The following MEI4 variants were observed in gnomAD, a reference collection of about 807,000 sequenced individuals.
MEI4 encodes the protein meiosis-specific protein MEI4.
A neutral mutation model predicts 31.4 loss-of-function variants in MEI4; 27 were observed. The observed-to-expected ratio is 0.86, with a 90% CI of 0.63 to 1.19. MEI4 has a LOEUF of 1.19. Ranked by LOEUF, MEI4 falls within the 50% of genes most tolerant of loss-of-function variation. MEI4 has a pLI of 0.00. For synonymous variants in MEI4, 122 were observed against 145.4 expected (o/e 0.84, Z 1.16); for missense variants, 329 against 398.9 (o/e 0.82, Z 1.49).
rs939330283 is a variant in MEI4, at chr6:77,825,237, A to C, written c.769-3694A>C. On this transcript the variant is annotated intron_variant, in intron 3 of 4. Transcript: ENST00000684080. ...CCTAACAAAATATTATGTTCTTCTT[A>C]TTATTTATTTTTGACATCTATTCAA... Among the ~76,000 whole-genome samples, 11 of 152,148 alleles carry C rather than the reference A, an allele frequency of 7.2e-5. No homozygotes were observed. The East Asian group carries it at 9.6e-4, about 13-fold the overall frequency.
At chr6:77,918,274 C>T (rs1485462603) in intron 4 of MEI4, among the ~76,000 whole-genome samples, 1 of 150,286 alleles carries the variant, frequency 6.7e-6, no homozygotes, top group East Asian at 2.0e-4. Context: ...TCCATATGAA[C>T]TTTAAAGTAG....
intron 2 of MEI4, among the ~76,000 whole-genome samples, chr6:77,744,760 C>T (rs989556580): frequency 3.9e-5 from 6 of 152,230 alleles, no homozygotes; most frequent in Non-Finnish European, 1.5e-5. Context: ...ATCAGACTAA[C>T]AGTCGATCTC....
At chr6:77,879,682 G>T (rs922581117) in intron 4 of MEI4, among the ~76,000 whole-genome samples, 1 of 152,148 alleles carries the variant, frequency 6.6e-6, no homozygotes, top group Non-Finnish European at 1.5e-5. Context: ...GACCTTTGTG[G>T]CCATCTGCGG....
intron 2 of MEI4, among the ~76,000 whole-genome samples, chr6:77,702,673 A>G (rs763402342): frequency 6.6e-6 from 1 of 152,110 alleles, no homozygotes; most frequent in African/African-American, 2.4e-5. Flanking sequence ...GTCTCAAGTC[A>G]TCTTATTTAA....
chr6:77,884,783 A>G (rs1209912378), intron 4 of MEI4, among the ~76,000 whole-genome samples: 1 of 152,190 alleles, frequency 6.6e-6, no homozygotes. Flanking sequence ...GAAGCCAGGT[A>G]GTGTGATGCT....
intron 2 of MEI4, among the ~76,000 whole-genome samples, chr6:77,754,781 A>G (rs1271790277): frequency 1.3e-5 from 2 of 152,142 alleles, no homozygotes; most frequent in Non-Finnish European, 2.9e-5. Context: ...CACTTCTTAC[A>G]TGCGGAGAGA....
intron 3 of MEI4, among the ~76,000 whole-genome samples, chr6:77,799,978 G>A (rs1769201817): frequency 6.6e-6 from 1 of 152,222 alleles, no homozygotes; most frequent in African/African-American, 2.4e-5. Context: ...GGCAATGGGG[G>A]CTCTTTTTTG....
chr6:77,893,778 T>C (rs1170113059), intron 4 of MEI4, among the ~76,000 whole-genome samples: 1 of 152,204 alleles, frequency 6.6e-6, no homozygotes, highest in Non-Finnish European at 1.5e-5. Context: ...ACCATTTGGC[T>C]TTTTCTGTGA....
At chr6:77,876,287 T>C (rs1219730619) in intron 4 of MEI4, among the ~76,000 whole-genome samples, 1 of 152,200 alleles carries the variant, frequency 6.6e-6, no homozygotes, top group Non-Finnish European at 1.5e-5. Flanking sequence ...AAGAGGTGAT[T>C]AGTCCTTGAG....
chr6:77,791,681 A>T (rs1768939943), intron 3 of MEI4, among the ~76,000 whole-genome samples: 2 of 147,198 alleles, frequency 1.4e-5, no homozygotes, highest in African/African-American at 2.5e-5. Context: ...TAAAGTATAA[A>T]AAAAAAAAAA....
chr6:77,882,110 C>T (rs1246210413), intron 4 of MEI4, among the ~76,000 whole-genome samples: 1 of 152,138 alleles, frequency 6.6e-6, no homozygotes, highest in Non-Finnish European at 1.5e-5. Context: ...CAATAATTTG[C>T]TGGAGTGACC....
intron 3 of MEI4, among the ~76,000 whole-genome samples, chr6:77,777,150 G>A (rs1363617694): frequency 6.6e-6 from 1 of 152,088 alleles, no homozygotes; most frequent in South Asian, 2.1e-4. Context: ...TTTTTAAAAA[G>A]GCACAAACAT....
intron 4 of MEI4, among the ~76,000 whole-genome samples, chr6:77,867,064 A>G (rs1468772500): frequency 1.3e-5 from 2 of 152,224 alleles, no homozygotes; most frequent in Admixed American, 1.3e-4. Flanking sequence ...ACCTTATACA[A>G]AAATTAATTC....
intron 3 of MEI4, among the ~76,000 whole-genome samples, chr6:77,772,190 A>G (rs4235904): frequency 0.34 from 51,667 of 150,998 alleles, 9,567 homozygotes; most frequent in African/African-American, 0.48. Flanking sequence ...ATAGAGAAGA[A>G]GATACTTCCA....
At chr6:77,855,212 G>A (rs963863493) in intron 4 of MEI4, among the ~76,000 whole-genome samples, 3 of 152,120 alleles carry the variant, frequency 2.0e-5, no homozygotes, top group Non-Finnish European at 2.9e-5. Context: ...AGGCATGGTG[G>A]TGGGTGCCTG....
intron 3 of MEI4, among the ~76,000 whole-genome samples, chr6:77,773,549 A>C (rs1768367028): frequency 6.6e-6 from 1 of 152,044 alleles, no homozygotes; most frequent in Non-Finnish European, 1.5e-5. Context: ...TGGATTAAAA[A>C]TTAAAATCTC....
At chr6:77,849,497 T>A (rs1770564650) in intron 4 of MEI4, among the ~76,000 whole-genome samples, 1 of 152,200 alleles carries the variant, frequency 6.6e-6, no homozygotes, top group Non-Finnish European at 1.5e-5. Flanking sequence ...ATCTTTTTGC[T>A]AACACTTCCC....
intron 2 of MEI4, among the ~76,000 whole-genome samples, chr6:77,713,269 T>C (rs1241040484): frequency 6.6e-6 from 1 of 152,200 alleles, no homozygotes; most frequent in Non-Finnish European, 1.5e-5. Flanking sequence ...CACTGCTTCC[T>C]GTCACATAGG....
At chr6:77,803,629 G>T (rs1769339962) in intron 3 of MEI4, among the ~76,000 whole-genome samples, 1 of 152,090 alleles carries the variant, frequency 6.6e-6, no homozygotes, top group Non-Finnish European at 1.5e-5. Context: ...TTTGATGATG[G>T]TGACGTACAG....
Sources: allele counts gnomAD v4.1 joint callset (sites outside exome capture counted in the v4.1 genomes callset), GRCh38; gene constraint gnomAD v4.1.1; transcripts MANE v1.5; gene names NCBI Gene and HGNC (gene_info 2026-07-23, HGNC 2026-07-21).